RBFOX1: variants seen among roughly 807,000 people sequenced by gnomAD.
RBFOX1 encodes RNA binding protein fox-1 homolog 1.
A neutral mutation model predicts 57.7 loss-of-function variants in RBFOX1; 8 were observed. The ratio of observed to expected loss-of-function variants is 0.14; its 90% CI spans 0.08 to 0.25. RBFOX1 has a LOEUF of 0.25. Among genes scored for constraint, RBFOX1 ranks in the 10% least tolerant of loss-of-function variants. The probability of loss-of-function intolerance (pLI) is 1.00; values close to 1 mark genes in which losing one functional copy is unlikely to be tolerated. For synonymous variants in RBFOX1, 326 were observed against 222.4 expected (o/e 1.47, Z -4.15); for missense variants, 611 against 548.5 (o/e 1.11, Z -1.14).
At chr16:5,559,701 A>T (rs1323270360) in intron 2 of RBFOX1, among the ~76,000 whole-genome samples, 2 of 152,174 alleles carry the variant, frequency 1.3e-5, no homozygotes, top group Non-Finnish European at 2.9e-5. Flanking sequence ...AAACTTCCCA[A>T]ATCTCTTTCT....
intron 3 of RBFOX1, among the ~76,000 whole-genome samples, chr16:5,736,272 G>T (rs900084506): frequency 1.3e-5 from 2 of 152,172 alleles, no homozygotes; most frequent in Non-Finnish European, 2.9e-5. Flanking sequence ...TGGGAAGTAT[G>T]GGGTATAGGG....
intron 2 of RBFOX1, among the ~76,000 whole-genome samples, chr16:6,346,058 A>G (rs961497069): frequency 1.3e-5 from 2 of 152,136 alleles, no homozygotes; most frequent in Non-Finnish European, 2.9e-5. Flanking sequence ...TCAGGTATGC[A>G]TTTATCTCAG....
At chr16:7,040,984 C>G (rs1289898316) in intron 3 of RBFOX1, among the ~76,000 whole-genome samples, 1 of 151,140 alleles carries the variant, frequency 6.6e-6, no homozygotes, top group Non-Finnish European at 1.5e-5. Flanking sequence ...GATGCAATCT[C>G]TGCTCATTGC....
At position 5,377,014 on chromosome 16, in the gene RBFOX1, G is replaced by A. The variant is rs111395868; in HGVS notation, c.220-90202G>A. Among the ~76,000 whole-genome samples, 152 of 151,670 alleles carry A rather than the reference G, an allele frequency of 1.0e-3. 2 individuals carry two copies. Among genetic ancestry groups the A allele is most frequent in the Non-Finnish European group, 1.7e-3 (113 of 68,018 alleles). On this transcript the variant is annotated intron_variant, in intron 1 of 2. Coordinates refer to the RBFOX1 transcript ENST00000585867. ...CCTGCTAAATAAACTACCTGTACTC[G>A]AATCTTCATCTCAGGATCCACTTCT...
intron 4 of RBFOX1, among the ~76,000 whole-genome samples, chr16:7,133,052 C>G (rs1374358737): frequency 6.6e-6 from 1 of 152,056 alleles, no homozygotes; most frequent in Non-Finnish European, 1.5e-5. Flanking sequence ...TTGGTATTTT[C>G]TTGCGTTTCA....
At chr16:7,025,541 A>G (rs890868684) in intron 3 of RBFOX1, among the ~76,000 whole-genome samples, 1 of 152,244 alleles carries the variant, frequency 6.6e-6, no homozygotes, top group Admixed American at 6.5e-5. Context: ...AACACCTCTG[A>G]CAAAACCGGA....
At chr16:5,720,713 GC>G (rs925329048) in intron 3 of RBFOX1, among the ~76,000 whole-genome samples, 2 of 152,084 alleles carry the variant, frequency 1.3e-5, no homozygotes, top group Admixed American at 6.5e-5. Context: ...TGCCCTTTAT[GC>G]CCTCGTCAAA....
At chr16:6,204,422 G>T (rs1422746747) in intron 1 of RBFOX1, among the ~76,000 whole-genome samples, 1 of 151,954 alleles carries the variant, frequency 6.6e-6, no homozygotes, top group Non-Finnish European at 1.5e-5. Context: ...TTTCTAGAAG[G>T]GCCTAGAAGC....
intron 4 of RBFOX1, among the ~76,000 whole-genome samples, chr16:7,208,199 A>G (rs1056777962): frequency 6.6e-6 from 1 of 152,152 alleles, no homozygotes; most frequent in Non-Finnish European, 1.5e-5. Context: ...GTAGCCAATT[A>G]TGTCACCATC....
chr16:7,428,492 A>AC (rs2098644825), intron 4 of RBFOX1, among the ~76,000 whole-genome samples: 1 of 112,086 alleles, frequency 8.9e-6, no homozygotes, highest in African/African-American at 3.4e-5. Flanking sequence ...ACTCCTGGCT[A>AC]TTTTATTATT....
At chr16:5,941,432 G>A (rs1423700383) in intron 4 of RBFOX1, among the ~76,000 whole-genome samples, 1 of 151,612 alleles carries the variant, frequency 6.6e-6, no homozygotes, top group African/African-American at 2.4e-5. Context: ...TGACATTGCA[G>A]TGAGCTATGA....
At chr16:6,328,427 T>C (rs1206565489) in intron 2 of RBFOX1, among the ~76,000 whole-genome samples, 2 of 152,092 alleles carry the variant, frequency 1.3e-5, no homozygotes, top group African/African-American at 4.8e-5. Flanking sequence ...CAAAAACCGA[T>C]GGTAATAATT....
chr16:7,360,173 C>A (rs867927043), intron 4 of RBFOX1, among the ~76,000 whole-genome samples: 2 of 152,132 alleles, frequency 1.3e-5, no homozygotes, highest in African/African-American at 2.4e-5. Context: ...ACGCTACATG[C>A]ATTCTGCATG....
chr16:6,607,557 C>G (rs1464500426), intron 2 of RBFOX1, among the ~76,000 whole-genome samples: 1 of 146,142 alleles, frequency 6.8e-6, no homozygotes, highest in Non-Finnish European at 1.5e-5. Context: ...TCCTCTTTCC[C>G]TCTTCCTCCT....
At chr16:5,330,061 C>A (rs2064705654) in intron 1 of RBFOX1, among the ~76,000 whole-genome samples, 1 of 151,852 alleles carries the variant, frequency 6.6e-6, no homozygotes, top group African/African-American at 2.4e-5. Flanking sequence ...GTACAAGGGA[C>A]CCGTGAACTC....
chr16:6,970,792 G>A (rs2085363854), intron 3 of RBFOX1, among the ~76,000 whole-genome samples: 1 of 152,132 alleles, frequency 6.6e-6, no homozygotes, highest in Non-Finnish European at 1.5e-5. Flanking sequence ...TGGGTCTTAT[G>A]CCCTGTCTAC....
At chr16:6,416,925 C>A (rs572737943) in intron 2 of RBFOX1, among the ~76,000 whole-genome samples, 2 of 152,288 alleles carry the variant, frequency 1.3e-5, no homozygotes, top group East Asian at 3.9e-4. Context: ...TGGATATCAT[C>A]ACTAACAGTA....
At chr16:7,124,869 C>T (rs969565541) in intron 4 of RBFOX1, among the ~76,000 whole-genome samples, 2 of 151,978 alleles carry the variant, frequency 1.3e-5, no homozygotes, top group African/African-American at 4.8e-5. Flanking sequence ...AAGTGTATTC[C>T]TGACAAATAA....
chr16:5,708,612 G>C (rs1472687730), intron 3 of RBFOX1, among the ~76,000 whole-genome samples: 2 of 152,118 alleles, frequency 1.3e-5, no homozygotes, highest in African/African-American at 4.8e-5. Flanking sequence ...CAGTTTCCAG[G>C]AGCTGGCATG....
Sources: allele counts gnomAD v4.1 joint callset (sites outside exome capture counted in the v4.1 genomes callset), GRCh38; gene constraint gnomAD v4.1.1; transcripts MANE v1.5; gene names NCBI Gene and HGNC (gene_info 2026-07-23, HGNC 2026-07-21).